Variants in DCDC1 observed in about 807,000 individuals in gnomAD.
The protein encoded by DCDC1 is doublecortin domain containing 1.
In DCDC1, 200 loss-of-function variants were observed where a neutral mutation model predicts 178.3. That is an observed-to-expected ratio of 1.12 (90% CI 1.00 to 1.26). DCDC1 has a LOEUF of 1.26. DCDC1 is among the 50% of genes most tolerant of loss of function. The pLI is 0.00. For synonymous variants in DCDC1, 690 were observed against 604.8 expected, an observed-to-expected ratio of 1.14 and a Z score of -2.07; for missense variants, 1,983 against 1,749.2, an observed-to-expected ratio of 1.13 and a Z score of -2.38.
At chr11:31,185,393 G>A (rs572829784) in intron 9 of DCDC1, among the ~76,000 whole-genome samples, 2 of 150,848 alleles carry the variant, frequency 1.3e-5, no homozygotes, top group Admixed American at 1.3e-4. Flanking sequence ...CTATAGCCCA[G>A]AACTTAAAAT....
At chr11:31,189,273 G>A (rs542114975) in intron 9 of DCDC1, among the ~76,000 whole-genome samples, 13 of 152,080 alleles carry the variant, frequency 8.5e-5, no homozygotes, top group Non-Finnish European at 1.9e-4. Context: ...AAAGGCACAC[G>A]AAATCTAAAA....
intron 21 of DCDC1, among the ~76,000 whole-genome samples, chr11:30,948,534 C>T (rs1350423150): frequency 6.6e-6 from 1 of 152,116 alleles, no homozygotes; most frequent in African/African-American, 2.4e-5. Flanking sequence ...CAAAAAAGAG[C>T]CCTCATAGCC....
At chr11:31,113,423 A>G (rs1959284842) in intron 11 of DCDC1, among the ~76,000 whole-genome samples, 1 of 150,982 alleles carries the variant, frequency 6.6e-6, no homozygotes. Flanking sequence ...ATATCTCTTA[A>G]TGCTATACCT....
At chr11:31,061,831 T>G (rs1001827714) in intron 20 of DCDC1, among the ~76,000 whole-genome samples, 6 of 152,120 alleles carry the variant, frequency 3.9e-5, no homozygotes, top group African/African-American at 1.4e-4. Flanking sequence ...TAAAGACATC[T>G]CAGTTAATTC....
At chr11:31,025,195 T>A (rs1164017790) in intron 20 of DCDC1, among the ~76,000 whole-genome samples, 2 of 151,832 alleles carry the variant, frequency 1.3e-5, no homozygotes, top group African/African-American at 4.8e-5. Flanking sequence ...TAAGGTTACT[T>A]GTAATGGAAG....
chr11:31,121,011 G>T (rs539380307), intron 11 of DCDC1, among the ~76,000 whole-genome samples: 2 of 152,260 alleles, frequency 1.3e-5, no homozygotes, highest in African/African-American at 2.4e-5. Context: ...AAGAGACTGG[G>T]GGTAGTGGCA....
At chr11:31,323,799 T>C (rs553036779) in intron 3 of DCDC1, among the ~76,000 whole-genome samples, 1 of 152,246 alleles carries the variant, frequency 6.6e-6, no homozygotes, top group Admixed American at 6.5e-5. Context: ...TTATGTTTGG[T>C]GAATGTAAGC....
intron 1 of DCDC1, among the ~76,000 whole-genome samples, chr11:31,355,835 C>T (rs960157302): frequency 6.6e-6 from 1 of 152,148 alleles, no homozygotes; most frequent in Non-Finnish European, 1.5e-5. Context: ...TCCCAAGGTG[C>T]TGGGACTACT....
chr11:31,067,941 G>A (rs1956342037), intron 18 of DCDC1, among the ~76,000 whole-genome samples: 1 of 152,106 alleles, frequency 6.6e-6, no homozygotes, highest in South Asian at 2.1e-4. Flanking sequence ...AAATTAGATT[G>A]TGGTGACGGA....
chr11:31,313,643 T>C (rs1948896898), intron 3 of DCDC1, among the ~76,000 whole-genome samples: 2 of 152,210 alleles, frequency 1.3e-5, no homozygotes, highest in Admixed American at 1.3e-4. Flanking sequence ...TGTATGATAG[T>C]TTTGCTGAAT....
chr11:31,093,403 A>C (rs1311749760), intron 16 of DCDC1, among the ~76,000 whole-genome samples: 2 of 152,206 alleles, frequency 1.3e-5, no homozygotes, highest in African/African-American at 4.8e-5. Context: ...GACGGGACAA[A>C]GGGAGATACA....
At chr11:30,970,897 T>C (rs918269826) in intron 20 of DCDC1, among the ~76,000 whole-genome samples, 2 of 152,162 alleles carry the variant, frequency 1.3e-5, no homozygotes, top group Non-Finnish European at 2.9e-5. Flanking sequence ...TGCCTAAGCA[T>C]GCCATCTGGG....
intron 17 of DCDC1, among the ~76,000 whole-genome samples, chr11:31,078,507 T>A (rs1590966964): frequency 6.6e-6 from 1 of 152,306 alleles, no homozygotes; most frequent in East Asian, 1.9e-4. Context: ...ATGAATTAAA[T>A]TAAGTGTAAC....
chr11:31,273,708 C>A (rs562243140), intron 7 of DCDC1, among the ~76,000 whole-genome samples: 3 of 152,134 alleles, frequency 2.0e-5, no homozygotes, highest in African/African-American at 4.8e-5. Flanking sequence ...TACAGCAGCA[C>A]CCCACTCTTG....
chr11:31,282,866 C>T (rs181321982), intron 7 of DCDC1, among the ~76,000 whole-genome samples: 29 of 152,144 alleles, frequency 1.9e-4, no homozygotes, highest in Admixed American at 7.9e-4. Context: ...TTTCTTTCAG[C>T]GCTTTAAACA....
chr11:30,935,855 T>C (rs915604759), intron 21 of DCDC1, among the ~76,000 whole-genome samples: 1 of 152,072 alleles, frequency 6.6e-6, no homozygotes. Context: ...CCTGGCCTCA[T>C]GTTTTCTTTT....
At chr11:31,050,049 G>A (rs1444893597) in intron 20 of DCDC1, among the ~76,000 whole-genome samples, 1 of 152,204 alleles carries the variant, frequency 6.6e-6, no homozygotes, top group African/African-American at 2.4e-5. Flanking sequence ...AGACTTCACA[G>A]GTAGGGGAAG....
chr11:31,181,002 G>A (rs1040937693), intron 9 of DCDC1, among the ~76,000 whole-genome samples: 19 of 152,120 alleles, frequency 1.2e-4, no homozygotes, highest in Admixed American at 2.0e-4. Flanking sequence ...GGCTGAAGTC[G>A]ACTTTGGATG....
At chr11:31,362,878 C>T (rs1000519206) in intron 1 of DCDC1, among the ~76,000 whole-genome samples, 5 of 152,092 alleles carry the variant, frequency 3.3e-5, no homozygotes, top group African/African-American at 1.2e-4. Context: ...TTTTCTCAGT[C>T]TCTAACTAAT....
Sources: allele counts gnomAD v4.1 joint callset (sites outside exome capture counted in the v4.1 genomes callset), GRCh38; gene constraint gnomAD v4.1.1; transcripts MANE v1.5; gene names NCBI Gene and HGNC (gene_info 2026-07-23, HGNC 2026-07-21).